Variants in RARB observed in about 807,000 individuals in gnomAD.
RARB encodes retinoic acid receptor beta, also known as HBV-activated protein.
Under a neutral mutation model 51.9 loss-of-function variants are expected in RARB, and 17 were observed. That is an observed-to-expected ratio of 0.33 (90% CI 0.22 to 0.49). The LOEUF is 0.49. Ranked by LOEUF, RARB falls within the 20% of genes least tolerant of loss-of-function variation. The pLI, the probability that RARB is intolerant of heterozygous loss-of-function variation, is 0.99. For missense variants in RARB, 369 were observed against 550.8 expected (o/e 0.67, Z 3.30); for synonymous variants, 215 against 195.4 (o/e 1.10, Z -0.84).
intron 5 of RARB, among the ~76,000 whole-genome samples, chr3:25,218,119 A>T (rs977406337): frequency 1.3e-5 from 2 of 152,222 alleles, no homozygotes; most frequent in African/African-American, 4.8e-5. Context: ...TTATTATAAT[A>T]CAAACCAGCT....
At chr3:25,406,670 G>A (rs1207766202) in intron 5 of RARB, among the ~76,000 whole-genome samples, 1 of 152,188 alleles carries the variant, frequency 6.6e-6, no homozygotes, top group Non-Finnish European at 1.5e-5. Context: ...CTGAGACACT[G>A]GAGGTTGGGA....
intron 2 of RARB, among the ~76,000 whole-genome samples, chr3:24,861,563 ACTTATC>A (rs1374333434): frequency 1.3e-5 from 2 of 150,978 alleles, no homozygotes; most frequent in African/African-American, 2.4e-5. Flanking sequence ...AAAATAATAA[ACTTATC>A]CTTGTTAACA....
At chr3:25,270,213 C>T (rs1320901778) in intron 5 of RARB, among the ~76,000 whole-genome samples, 1 of 152,100 alleles carries the variant, frequency 6.6e-6, no homozygotes, top group Non-Finnish European at 1.5e-5. Flanking sequence ...ACTTAATAGC[C>T]AAAAGTTGGA....
At chr3:25,217,224 G>T (rs2125382340) in intron 5 of RARB, among the ~76,000 whole-genome samples, 1 of 152,202 alleles carries the variant, frequency 6.6e-6, no homozygotes, top group East Asian at 1.9e-4. Flanking sequence ...AGCAGAACAG[G>T]ATAAATGTTT....
chr3:25,224,356 T>A (rs1423720432), intron 5 of RARB, among the ~76,000 whole-genome samples: 1 of 152,092 alleles, frequency 6.6e-6, no homozygotes, highest in Non-Finnish European at 1.5e-5. Context: ...AAATAACTTA[T>A]AAGGTGCCAG....
chr3:25,063,892 G>A (rs1195965495), intron 3 of RARB, among the ~76,000 whole-genome samples: 1 of 151,928 alleles, frequency 6.6e-6, no homozygotes, highest in Non-Finnish European at 1.5e-5. Flanking sequence ...ATAGAATTAA[G>A]CACTACTTTG....
At chr3:25,263,047 C>T (rs994005254) in intron 5 of RARB, among the ~76,000 whole-genome samples, 6 of 152,004 alleles carry the variant, frequency 3.9e-5, no homozygotes, top group African/African-American at 1.5e-4. Flanking sequence ...AACCTGGGAC[C>T]CCTCTAGGGA....
chr3:25,267,797 T>C (rs1296971529), intron 5 of RARB, among the ~76,000 whole-genome samples: 4 of 152,184 alleles, frequency 2.6e-5, no homozygotes, highest in African/African-American at 9.7e-5. Flanking sequence ...TGGTTAAATA[T>C]ACAGTGAAAA....
chr3:25,500,042 C>T (rs148436534), intron 2 of RARB, among the ~76,000 whole-genome samples: 3 of 152,298 alleles, frequency 2.0e-5, no homozygotes, highest in African/African-American at 7.2e-5. Flanking sequence ...CTTCGATGGG[C>T]TTGTCAGTCA....
chr3:24,969,394 T>C (rs1033496122), intron 2 of RARB, among the ~76,000 whole-genome samples: 3 of 152,090 alleles, frequency 2.0e-5, no homozygotes, highest in African/African-American at 7.2e-5. Flanking sequence ...CTATTGTTGT[T>C]AAATAATAGT....
At chr3:25,422,419 A>C (rs1707886148) in intron 5 of RARB, among the ~76,000 whole-genome samples, 1 of 152,224 alleles carries the variant, frequency 6.6e-6, no homozygotes, top group South Asian at 2.1e-4. Flanking sequence ...AAGCTGCAGC[A>C]TGGTAGTGCC....
intron 3 of RARB, among the ~76,000 whole-genome samples, chr3:25,515,686 T>C (rs1018039026): frequency 6.6e-6 from 1 of 152,206 alleles, no homozygotes; most frequent in Non-Finnish European, 1.5e-5. Flanking sequence ...ATTATTCCAT[T>C]TGTTTAAAGA....
chr3:25,224,971 G>A lies in RARB; in HGVS notation c.178+50396G>A, dbSNP rs558892454. Reference sequence around the variant, plus strand: ...GGATTTGTATTCAGAAGATAAGACAGCTTTAGATGTAGTCCTCTATAGTAC... The same window carrying A: ...GGATTTGTATTCAGAAGATAAGACAACTTTAGATGTAGTCCTCTATAGTAC... On this transcript the variant is annotated intron_variant, in intron 5 of 11. Transcript: ENST00000383772. Among the ~76,000 whole-genome samples, 3 of 152,152 alleles carry A rather than the reference G, an allele frequency of 2.0e-5. No individual in the cohort carries two copies. In the East Asian group the frequency reaches 5.8e-4, roughly 29 times the overall value.
At chr3:25,105,387 A>G (rs901630575) in intron 3 of RARB, among the ~76,000 whole-genome samples, 1 of 151,656 alleles carries the variant, frequency 6.6e-6, no homozygotes, top group Non-Finnish European at 1.5e-5. Context: ...TAACAGGTAT[A>G]AAAAGAAGTG....
chr3:24,911,500 C>G (rs1173330222), intron 2 of RARB, among the ~76,000 whole-genome samples: 1 of 152,126 alleles, frequency 6.6e-6, no homozygotes, highest in African/African-American at 2.4e-5. Flanking sequence ...TGGTTTGGGA[C>G]CAAGCATAAA....
chr3:25,293,583 A>G (rs1469380108), intron 5 of RARB, among the ~76,000 whole-genome samples: 4 of 145,206 alleles, frequency 2.8e-5, no homozygotes, highest in African/African-American at 1.0e-4. Flanking sequence ...TCCCGAGGCT[A>G]GAGTTACTCC....
At chr3:25,014,577 A>T (rs1010671747) in intron 2 of RARB, among the ~76,000 whole-genome samples, 3 of 152,078 alleles carry the variant, frequency 2.0e-5, no homozygotes, top group African/African-American at 7.2e-5. Flanking sequence ...AGTGTAGCCA[A>T]TGTCACATAG....
intron 1 of RARB, among the ~76,000 whole-genome samples, chr3:24,857,773 A>G (rs980917445): frequency 1.3e-5 from 2 of 152,114 alleles, no homozygotes; most frequent in African/African-American, 4.8e-5. Context: ...AAACAAAACA[A>G]AAAATAGCTT....
At chr3:25,142,148 G>A (rs1471270619) in intron 4 of RARB, among the ~76,000 whole-genome samples, 3 of 151,966 alleles carry the variant, frequency 2.0e-5, no homozygotes, top group Non-Finnish European at 2.9e-5. Context: ...CCTGGCCAAC[G>A]TGGCGAAACC....
Sources: gnomAD v4.1 joint callset for allele counts (sites outside exome capture counted in the v4.1 genomes callset) on GRCh38, gnomAD v4.1.1 for gene constraint, MANE v1.5 for transcripts, NCBI Gene and HGNC (gene_info 2026-07-23, HGNC 2026-07-21) for gene names.